Variants in KIF5A observed in about 807,000 individuals in gnomAD.
KIF5A encodes kinesin family member 5A.
KIF5A carries 35 observed loss-of-function variants against 141.3 expected under a neutral mutation model. That is an observed-to-expected ratio of 0.25 (90% CI 0.19 to 0.33). The LOEUF (loss-of-function observed/expected upper bound fraction) is 0.33, where lower values mean the gene tolerates loss of function less well. Among genes scored for constraint, KIF5A ranks in the 10% least tolerant of loss-of-function variants. KIF5A has a pLI of 1.00. For missense variants in KIF5A, 861 were observed against 1,314.3 expected (o/e 0.66, Z 5.33); for synonymous variants, 448 against 500.2 (o/e 0.90, Z 1.39).
Position 57,575,097 on chromosome 12 carries a change from G to A in KIF5A, c.1730G>A (p.Ser577Asn), listed in dbSNP as rs1249966359. 6.2e-7 allele frequency: 1 copy of A among 1,614,066 alleles called. No individual in the cohort carries two copies. The highest frequency in any genetic ancestry group is 1.1e-5 in the South Asian group (1 of 91,082). ...TAATCACCTTAGCCAGTGGAGATCA[G>A]TGGGGCCATCGAGGAGGAGTTCACT... Reference protein sequence around the residue: ...NGEIKLPVEISGAIEEEFTVA... With the variant: ...NGEIKLPVEINGAIEEEFTVA... Residue 577 changes from serine to asparagine, a missense_variant, in exon 16 of 29, where the codon AGT becomes AAT. By Grantham distance (46) the Ser-to-Asn change is conservative (BLOSUM62 1). Around this residue, in one of 5 missense-constraint regions of KIF5A, gnomAD observed 482 missense variants for 661.3 expected, o/e 0.73. Coordinates refer to ENST00000455537, the MANE Select transcript of KIF5A (RefSeq NM_004984.4).
At chr12:57,567,016 G>A (rs1882084168) in intron 6 of KIF5A, 110 bp from the exon 7 acceptor site, 1 of 454,208 alleles carries the variant, frequency 2.2e-6, no homozygotes, top group South Asian at 2.6e-5. Flanking sequence ...ACTCCAGCCT[G>A]GGCAGAGCGA....
rs776585528 is a variant in KIF5A, at chr12:57,569,252, C to T, written c.820-4C>T. On this transcript the variant is annotated splice_region_variant and splice_polypyrimidine_tract_variant and intron_variant, in intron 9 of 28. Transcript: ENST00000455537. ...TCTGATTCCTGGTCTCCTTCCTCCC[C>T]CAGAAAAGCTATGTTCCATATCGTG... is the stretch of plus-strand genomic sequence containing the variant. 2.5e-6 allele frequency: 4 copies of T among 1,613,790 alleles called. No homozygotes were observed. Among genetic ancestry groups the T allele is most frequent in the South Asian group, 2.2e-5 (2 of 91,060 alleles).
At chr12:57,582,808 A>C (rs547313706) in intron 27 of KIF5A, 179 bp downstream of exon 27, 2 of 672,216 alleles carry the variant, frequency 3.0e-6, no homozygotes, top group South Asian at 3.4e-5. Flanking sequence ...CTCAGTGCAG[A>C]ATATCTCCCC....
At chr12:57,562,416 A>G (rs1302702274) in intron 1 of KIF5A, among the ~76,000 whole-genome samples, 1 of 152,170 alleles carries the variant, frequency 6.6e-6, no homozygotes, top group Non-Finnish European at 1.5e-5. Flanking sequence ...GGGTTTCAGC[A>G]TGTTGGCCAG....
At chr12:57,579,408 A>T (rs1285252054) in intron 23 of KIF5A, among the ~76,000 whole-genome samples, 1 of 152,170 alleles carries the variant, frequency 6.6e-6, no homozygotes, top group Non-Finnish European at 1.5e-5. Flanking sequence ...AATCTACCTT[A>T]AGATTCCATT....
rs201820648 is a variant in KIF5A, at chr12:57,575,632, C to T, written c.1906-8C>T. The T allele has an allele frequency of 3.1e-6, 5 of 1,612,618 alleles. No homozygotes were observed. The highest frequency in any genetic ancestry group is 4.2e-6 in the Non-Finnish European group (5 of 1,178,644). The stretch of plus-strand genomic sequence containing the variant: ...ATCTTCTTCCTCTCACCAACTTTCT[C>T]CCACCAGCATGAGGCCAAGATCCGC... On this transcript the variant is annotated splice_polypyrimidine_tract_variant and splice_region_variant and intron_variant, in intron 16 of 28. Coordinates refer to ENST00000455537, the MANE Select transcript of KIF5A (RefSeq NM_004984.4).
At chr12:57,578,730 T>A (rs1882505213) in intron 23 of KIF5A, among the ~76,000 whole-genome samples, 1 of 152,136 alleles carries the variant, frequency 6.6e-6, no homozygotes, top group South Asian at 2.1e-4. Context: ...TGGAGAGAAC[T>A]CCATCTGTCT....
At chr12:57,559,994 C>T (rs1182286144) in intron 1 of KIF5A, among the ~76,000 whole-genome samples, 3 of 152,124 alleles carry the variant, frequency 2.0e-5, no homozygotes, top group Non-Finnish European at 2.9e-5. Flanking sequence ...TGGGTTCAAG[C>T]GATTCTTGTG....
chr12:57,570,890 G>A (rs942324372), intron 12 of KIF5A, among the ~76,000 whole-genome samples: 1 of 151,448 alleles, frequency 6.6e-6, no homozygotes, highest in East Asian at 2.0e-4. Context: ...TCCTGGGCTC[G>A]AGGGATCCCC....
At chr12:57,583,321 A>C in intron 28 of KIF5A, 106 bp downstream of exon 28, 2 of 690,640 alleles carry the variant, frequency 2.9e-6, no homozygotes, top group South Asian at 1.6e-5. Flanking sequence ...ATCACCTCAA[A>C]ACTTTAATTA....
Position 57,575,656 on chromosome 12 carries a change from G to T in KIF5A, c.1922G>T (p.Arg641Leu). 6.2e-7 allele frequency: 1 copy of T among 1,614,048 alleles called. No individual in the cohort carries two copies. The highest frequency in any genetic ancestry group is 8.5e-7 in the Non-Finnish European group (1 of 1,179,964). The part of the protein sequence containing the change: ...LLISQHEAKI[R>L]SLTEYMQSVE... ...TCCCACCAGCATGAGGCCAAGATCC[G>T]CTCGCTTACGGAATACATGCAGAGC... Residue 641 changes from arginine to leucine, a missense_variant, in exon 17 of 29, where the codon CGC becomes CTC. Coordinates refer to ENST00000455537, the MANE Select transcript of KIF5A (RefSeq NM_004984.4).
intron 1 of KIF5A, among the ~76,000 whole-genome samples, chr12:57,555,550 C>A (rs1373655495): frequency 7.6e-6 from 1 of 131,470 alleles, no homozygotes; most frequent in Non-Finnish European, 1.7e-5. Context: ...GAGATCTTGC[C>A]ACTGCACTCC....
rs1565702637 is a variant in KIF5A at position 57,576,848 on chromosome 12, G to A, written c.2286G>A (p.Lys762=). 1 of 1,613,326 alleles carries A rather than the reference G, an allele frequency of 6.2e-7. No individual in the cohort carries two copies. Residue 762 remains lysine (K), a synonymous_variant, in exon 20 of 29, where the codon AAG becomes AAA. Transcript: ENST00000455537. ...GCGAAGAACACGAGAAGAGCACCAA[G>A]CTGCAGGAGCTGACGTGAGTGGCAT... ...LKSEEHEKST[K]LQELTFLYER... is the part of the protein sequence containing the mutation.
At chr12:57,580,876 C>A in intron 23 of KIF5A, 80 bp from the exon 24 acceptor site, 2 of 1,290,894 alleles carry the variant, frequency 1.5e-6, no homozygotes, top group East Asian at 2.3e-5. Flanking sequence ...CTCCTCACCC[C>A]TGTCCCCTAC....
Position 57,576,788 on chromosome 12 carries a change from A to G in KIF5A, c.2226A>G (p.Leu742=). 6.2e-7 allele frequency: 1 copy of G among 1,613,658 alleles called. No individual in the cohort carries two copies. The highest frequency in any genetic ancestry group is 1.1e-5 in the South Asian group (1 of 91,036). Residue 742 remains leucine (L), a synonymous_variant, in exon 20 of 29, where the codon CTA becomes CTG. Coordinates refer to ENST00000455537, the MANE Select transcript of KIF5A (RefSeq NM_004984.4). ...TAAATCAGAAGCTCCAGTTAGAGCT[A>G]GAGAAGCTTCAGGCTGACTACGAGA... ...KDLNQKLQLE[L]EKLQADYEKL...
chr12:57,582,909 A>G, intron 27 of KIF5A, 192 bp from the exon 28 acceptor site: 1 of 659,154 alleles, frequency 1.5e-6, no homozygotes, highest in Non-Finnish European at 2.7e-6. Flanking sequence ...TTTCTCTCCT[A>G]CCTTTGGAAG....
At chr12:57,562,202 T>A (rs550300203) in intron 1 of KIF5A, among the ~76,000 whole-genome samples, 54 of 152,364 alleles carry the variant, frequency 3.5e-4, no homozygotes, top group African/African-American at 1.3e-3. Context: ...TTTGTAAGTC[T>A]GAATGATTTG....
intron 23 of KIF5A, among the ~76,000 whole-genome samples, chr12:57,580,165 A>G (rs1010051870): frequency 1.2e-4 from 18 of 152,100 alleles, no homozygotes; most frequent in African/African-American, 4.3e-4. Context: ...CGCTATGCTG[A>G]TTTACCCGCT....
chr12:57,577,805 G>A, intron 21 of KIF5A, 32 bp downstream of exon 21: 1 of 1,564,970 alleles, frequency 6.4e-7, no homozygotes, highest in African/African-American at 1.4e-5. Context: ...CAAATTCACA[G>A]GACTGGGGAG....
Sources: allele counts gnomAD v4.1 joint callset (sites outside exome capture counted in the v4.1 genomes callset), GRCh38; gene constraint gnomAD v4.1.1; regional missense constraint gnomAD v4.1.1; transcripts MANE v1.5; gene names NCBI Gene and HGNC (gene_info 2026-07-23, HGNC 2026-07-21).